Variants in OPHN1 observed in about 807,000 individuals in gnomAD.
The protein encoded by OPHN1 is oligophrenin-1.
Under a neutral mutation model 60.7 loss-of-function variants are expected in OPHN1, and 11 were observed. That is an observed-to-expected ratio of 0.18 (90% CI 0.11 to 0.30). The LOEUF (loss-of-function observed/expected upper bound fraction) is 0.30, where lower values mean the gene tolerates loss of function less well. OPHN1 is among the 10% of genes least tolerant of loss of function. The pLI is 1.00. For synonymous variants in OPHN1, 226 were observed against 222.6 expected (o/e 1.02, Z -0.14); for missense variants, 449 against 611.0 (o/e 0.73, Z 2.80).
intron 15 of OPHN1, among the ~76,000 whole-genome samples, chrX:68,151,344 A>T (rs1399974060): frequency 2.7e-5 from 3 of 112,199 alleles, no homozygotes; most frequent in Non-Finnish European, 5.6e-5. Context: ...TATATTCAAG[A>T]GGTCAGCTGG....
intron 15 of OPHN1, among the ~76,000 whole-genome samples, chrX:68,184,479 G>T (rs371238236): frequency 1.9e-5 from 2 of 105,648 alleles, no homozygotes; most frequent in Non-Finnish European, 3.9e-5. Flanking sequence ...CTGAGATCAC[G>T]TCACTGCACT....
At chrX:68,131,747 A>G (rs2070913075) in intron 15 of OPHN1, among the ~76,000 whole-genome samples, 1 of 112,172 alleles carries the variant, frequency 8.9e-6, no homozygotes, top group African/African-American at 3.2e-5. Flanking sequence ...TTACAGATAT[A>G]TATCATATTT....
At chrX:68,380,126 G>A (rs5964667) in intron 2 of OPHN1, among the ~76,000 whole-genome samples, 34,426 of 110,253 alleles carry the variant, frequency 0.31, 7,779 homozygotes, top group African/African-American at 0.81. Context: ...TGGTCTATTC[G>A]GAGATTCAAC....
At chrX:68,103,066 CACA>C (rs1427377897) in intron 18 of OPHN1, among the ~76,000 whole-genome samples, 1 of 111,881 alleles carries the variant, frequency 8.9e-6, no homozygotes, top group Non-Finnish European at 1.9e-5. Flanking sequence ...TGGCAGAAGA[CACA>C]ACAACAACAA....
At chrX:68,413,379 G>A (rs2078778247) in intron 2 of OPHN1, among the ~76,000 whole-genome samples, 1 of 111,017 alleles carries the variant, frequency 9.0e-6, no homozygotes, top group Non-Finnish European at 1.9e-5. Context: ...TCAGGGGAAG[G>A]TGGGCAGATT....
chrX:68,312,363 C>G (rs1300646631), intron 2 of OPHN1, among the ~76,000 whole-genome samples: 1 of 105,223 alleles, frequency 9.5e-6, no homozygotes, highest in Non-Finnish European at 1.9e-5. Context: ...TTCCAAAATG[C>G]TGGGATTACA....
At chrX:68,387,906 G>T (rs971026521) in intron 2 of OPHN1, among the ~76,000 whole-genome samples, 4 of 110,990 alleles carry the variant, frequency 3.6e-5, no homozygotes, top group African/African-American at 1.3e-4. Flanking sequence ...GAGCTTTACA[G>T]AAGAGATTTG....
chrX:68,372,571 A>G (rs1197584108), intron 2 of OPHN1, among the ~76,000 whole-genome samples: 2 of 111,517 alleles, frequency 1.8e-5, no homozygotes, highest in Admixed American at 9.6e-5. Context: ...TAAATAGGAA[A>G]CATGACAGGA....
chrX:68,400,573 G>A (rs2078708558), intron 2 of OPHN1, among the ~76,000 whole-genome samples: 1 of 109,417 alleles, frequency 9.1e-6, no homozygotes, highest in African/African-American at 3.3e-5. Context: ...AAGCAGGCAC[G>A]TCTTTCTTCT....
intron 2 of OPHN1, among the ~76,000 whole-genome samples, chrX:68,399,822 T>C (rs1260674170): frequency 1.5e-5 from 1 of 67,766 alleles, no homozygotes; most frequent in Non-Finnish European, 3.5e-5. Flanking sequence ...TTTCTTTTTT[T>C]TTCTTTCTTT....
intron 15 of OPHN1, chrX:68,132,890 G>A (rs2147464170): frequency 3.1e-6 from 1 of 324,336 alleles, no homozygotes; most frequent in African/African-American, 2.7e-5. Context: ...ACGCTGAAGC[G>A]GCCCATGGAC....
At chrX:68,071,471 C>A (rs1273272965) in intron 20 of OPHN1, 5 of 901,732 alleles carry the variant, frequency 5.5e-6, no homozygotes, top group Non-Finnish European at 8.1e-6. Context: ...TCTGGGCCTA[C>A]ACAGTCTTTC....
chrX:68,253,978 G>A (rs1173896533), intron 5 of OPHN1, among the ~76,000 whole-genome samples: 2 of 111,814 alleles, frequency 1.8e-5, no homozygotes, highest in Non-Finnish European at 3.8e-5. Flanking sequence ...AGGGGGTAAC[G>A]GCACAGGGAT....
intron 16 of OPHN1, among the ~76,000 whole-genome samples, chrX:68,114,557 T>C (rs2077119365): frequency 9.0e-6 from 1 of 110,820 alleles, no homozygotes; most frequent in Non-Finnish European, 1.9e-5. Flanking sequence ...GCCCAAGAGT[T>C]CGAGACCAGT....
chrX:68,065,854 G>T (rs766941732), intron 20 of OPHN1, among the ~76,000 whole-genome samples: 1 of 112,270 alleles, frequency 8.9e-6, no homozygotes, highest in South Asian at 3.7e-4. Flanking sequence ...AAGTCTTGCT[G>T]CAAAGGTTTT....
At chrX:68,389,566 C>G (rs2078642428) in intron 2 of OPHN1, among the ~76,000 whole-genome samples, 1 of 56,686 alleles carries the variant, frequency 1.8e-5, no homozygotes, top group African/African-American at 9.2e-5. Context: ...GACTCCCTCT[C>G]AAAAATAAAT....
intron 5 of OPHN1, among the ~76,000 whole-genome samples, chrX:68,242,772 T>C (rs989270188): frequency 1.8e-5 from 2 of 112,244 alleles, no homozygotes; most frequent in Non-Finnish European, 3.8e-5. Context: ...TGCTACAACA[T>C]GAATGAACCT....
At chrX:68,106,732 A>T (rs903116963) in intron 18 of OPHN1, among the ~76,000 whole-genome samples, 7 of 111,863 alleles carry the variant, frequency 6.3e-5, no homozygotes, top group African/African-American at 2.3e-4. Context: ...ACAGGCTGTC[A>T]GTGGAAACAC....
At chrX:68,056,912 A>G (rs2076875337) in intron 21 of OPHN1, among the ~76,000 whole-genome samples, 1 of 111,678 alleles carries the variant, frequency 9.0e-6, no homozygotes, top group African/African-American at 3.3e-5. Flanking sequence ...AATAATAGTA[A>G]TGGTAATACA....
Sources: allele counts gnomAD v4.1 joint callset (sites outside exome capture counted in the v4.1 genomes callset), GRCh38; gene constraint gnomAD v4.1.1; transcripts MANE v1.5; gene names NCBI Gene and HGNC (gene_info 2026-07-23, HGNC 2026-07-21).